POM121: variants seen among roughly 807,000 people sequenced by gnomAD.
POM121 encodes the protein POM121 transmembrane nucleoporin.
Under a neutral mutation model 81.3 loss-of-function variants are expected in POM121, and 32 were observed. The ratio of observed to expected loss-of-function variants is 0.39; its 90% CI spans 0.30 to 0.53. POM121 has a LOEUF of 0.53. Among genes scored for constraint, POM121 ranks in the 20% least tolerant of loss-of-function variants. The pLI is 0.66. For missense variants in POM121, 1,138 were observed against 1,614.6 expected (o/e 0.70, Z 5.06); for synonymous variants, 514 against 694.2 (o/e 0.74, Z 4.08).
chr7:72,920,904 A>T (rs1794760087), upstream of POM121, among the ~76,000 whole-genome samples: 1 of 152,114 alleles, frequency 6.6e-6, no homozygotes, highest in Non-Finnish European at 1.5e-5. Context: ...GAGGCTGGGC[A>T]CAGTGGCTCA....
chr7:72,909,843 C>T (rs1294185675), intron 3 of POM121, among the ~76,000 whole-genome samples: 1 of 152,166 alleles, frequency 6.6e-6, no homozygotes, highest in East Asian at 1.9e-4. Context: ...GACAAGGTCT[C>T]ACTCTGTTGC....
At chr7:72,911,212 G>A (rs757013483) in intron 3 of POM121, among the ~76,000 whole-genome samples, 2 of 152,218 alleles carry the variant, frequency 1.3e-5, no homozygotes, top group Non-Finnish European at 2.9e-5. Flanking sequence ...TCAAACTCCT[G>A]ACCTCAGGTG....
At chr7:72,949,419 G>C, downstream of POM121, 2 of 1,478,430 alleles carry the variant, frequency 1.4e-6, no homozygotes, top group Non-Finnish European at 1.9e-6. Context: ...CACAGCAGGA[G>C]ACGCCAGCCC....
At chr7:72,945,329 C>G (rs1324836021) in intron 11 of POM121, among the ~76,000 whole-genome samples, 2 of 151,782 alleles carry the variant, frequency 1.3e-5, no homozygotes, top group Non-Finnish European at 2.9e-5. Flanking sequence ...AGGAGGCCCA[C>G]GAGGTGGCTG....
intron 3 of POM121, among the ~76,000 whole-genome samples, chr7:72,904,325 T>G (rs1793019255): frequency 6.6e-6 from 1 of 152,236 alleles, no homozygotes; most frequent in Admixed American, 6.5e-5. Flanking sequence ...TCCCATGCTG[T>G]TAGCACGCCT....
intron 3 of POM121, among the ~76,000 whole-genome samples, chr7:72,895,028 G>A (rs575511306): frequency 6.6e-6 from 1 of 152,244 alleles, no homozygotes. Flanking sequence ...GAGTCTTGCT[G>A]TGTTGCTCAG....
At chr7:72,888,668 G>A (rs1353982546) in intron 1 of POM121, among the ~76,000 whole-genome samples, 3 of 148,908 alleles carry the variant, frequency 2.0e-5, no homozygotes, top group Non-Finnish European at 3.0e-5. Flanking sequence ...GAAGACTGAG[G>A]CATAAGAGTG....
intron 3 of POM121, among the ~76,000 whole-genome samples, chr7:72,906,522 A>G (rs1338461414): frequency 6.6e-6 from 1 of 152,346 alleles, no homozygotes; most frequent in Admixed American, 6.5e-5. Flanking sequence ...CAGAGTTCCA[A>G]AAGAGCTGAT....
At chr7:72,928,338 C>CA (rs782677661) in intron 3 of POM121, 47 bp from the exon 4 acceptor site, 20 of 1,609,704 alleles carry the variant, frequency 1.2e-5, no homozygotes, top group Admixed American at 1.7e-5. Context: ...TTTAAAGGGA[C>CA]AAAAAAAGTC....
At chr7:72,922,107 GTTACT>G (rs782537997), upstream of POM121, among the ~76,000 whole-genome samples, 2 of 152,148 alleles carry the variant, frequency 1.3e-5, no homozygotes, top group Admixed American at 1.3e-4. Flanking sequence ...GCAAAATCCT[GTTACT>G]TTAGTCTTTA....
chr7:72,944,379 T>C (rs1235249543), intron 11 of POM121, among the ~76,000 whole-genome samples: 1 of 151,924 alleles, frequency 6.6e-6, no homozygotes, highest in African/African-American at 2.4e-5. Context: ...GTAGAGAAAA[T>C]CTGGGAGAGA....
At chr7:72,939,998 C>T in intron 8 of POM121, 30 bp downstream of exon 8, 5 of 1,598,500 alleles carry the variant, frequency 3.1e-6, no homozygotes, top group Non-Finnish European at 4.3e-6. Context: ...CTCCTGCCCT[C>T]CCCGGCTTAG....
chr7:72,917,092 T>G (rs1437639589), intron 4 of POM121, among the ~76,000 whole-genome samples: 2 of 152,230 alleles, frequency 1.3e-5, no homozygotes, highest in African/African-American at 2.4e-5. Flanking sequence ...TATGTGTCTG[T>G]GAGTGAGTGT....
chr7:72,917,908 G>A (rs1167711071), intron 4 of POM121, among the ~76,000 whole-genome samples: 9 of 152,220 alleles, frequency 5.9e-5, no homozygotes, highest in Admixed American at 5.9e-4. Context: ...TCCAATGATA[G>A]GTAAGGTCAC....
intron 3 of POM121, among the ~76,000 whole-genome samples, chr7:72,910,863 G>A (rs1231697805): frequency 2.0e-5 from 3 of 152,064 alleles, no homozygotes; most frequent in Non-Finnish European, 2.9e-5. Flanking sequence ...ATAAGACAGG[G>A]TATATAGGAG....
rs1554496822 is a variant in POM121, at chr7:72,925,164, C to T, written c.43C>T (p.Arg15Trp). ...AAAAGAGERR[R>W]PIASVRDGRG... ...GGCGGCTGGAGCAGGCGAGCGGCGG[C>T]GGCCCATAGCGAGTGTCAGGGACGG... is the stretch of plus-strand genomic sequence containing the variant. Residue 15 changes from arginine to tryptophan, a missense_variant, in exon 1 of 13, where the codon CGG becomes TGG. Physicochemically the swap from Arg to Trp is moderately radical, Grantham distance 101 (BLOSUM62 -3). This residue lies in a region of POM121 where 646 missense variants were observed against 633.5 expected (regional missense o/e 1.02). Coordinates refer to ENST00000434423, the MANE Select transcript of POM121 (RefSeq NM_001387691.1). The T allele has an allele frequency of 6.1e-6, 9 of 1,484,606 alleles. No homozygotes were observed. In the East Asian group the frequency reaches 1.1e-4, roughly 19 times the overall value. 92.0% of individuals were successfully genotyped at this position (1,484,606 alleles called of 1,614,324 possible).
At chr7:72,945,524 C>T in intron 11 of POM121, 62 bp from the exon 12 acceptor site, 7 of 1,600,278 alleles carry the variant, frequency 4.4e-6, no homozygotes, top group Non-Finnish European at 6.0e-6. Flanking sequence ...AGGCTCCTGC[C>T]CGGCTCCTCG....
At chr7:72,931,754 A>G (rs1165610597) in intron 5 of POM121, among the ~76,000 whole-genome samples, 1 of 152,078 alleles carries the variant, frequency 6.6e-6, no homozygotes, top group Non-Finnish European at 1.5e-5. Context: ...TATTTTTAGT[A>G]GAGACGAGAT....
At chr7:72,917,418 C>T (rs782299050) in intron 4 of POM121, among the ~76,000 whole-genome samples, 16 of 152,130 alleles carry the variant, frequency 1.1e-4, no homozygotes, top group Non-Finnish European at 2.2e-4. Flanking sequence ...GGACAAAGCC[C>T]GTGTAACACC....
Sources: gnomAD v4.1 joint callset for allele counts (sites outside exome capture counted in the v4.1 genomes callset) on GRCh38, gnomAD v4.1.1 for gene constraint, gnomAD v4.1.1 regional missense constraint, MANE v1.5 for transcripts, NCBI Gene and HGNC (gene_info 2026-07-23, HGNC 2026-07-21) for gene names.